Variants in TEAD1 observed in about 807,000 individuals in gnomAD.
TEAD1 encodes the protein TEA domain transcription factor 1, also known as transcriptional enhancer factor TEF-1.
In TEAD1, 9 loss-of-function variants were observed where a neutral mutation model predicts 54.9. That is an observed-to-expected ratio of 0.16 (90% CI 0.10 to 0.29). The LOEUF (loss-of-function observed/expected upper bound fraction) is 0.29. TEAD1 is among the 10% of genes least tolerant of loss of function. The pLI is 1.00. For synonymous variants in TEAD1, 200 were observed against 187.8 expected, an observed-to-expected ratio of 1.07 and a Z score of -0.53; for missense variants, 387 against 535.9, an observed-to-expected ratio of 0.72 and a Z score of 2.74.
At chr11:12,914,413 G>A (rs963807960) in intron 10 of TEAD1, among the ~76,000 whole-genome samples, 2 of 152,158 alleles carry the variant, frequency 1.3e-5, no homozygotes, top group Admixed American at 1.3e-4. Flanking sequence ...AAACAGCTGT[G>A]GCAGGCAGGC....
At chr11:12,918,637 A>T (rs547133808) in intron 10 of TEAD1, among the ~76,000 whole-genome samples, 1 of 152,202 alleles carries the variant, frequency 6.6e-6, no homozygotes, top group African/African-American at 2.4e-5. Flanking sequence ...GAGTAATTAC[A>T]CTCCTAGGAA....
At chr11:12,703,379 T>C (rs913937512) in intron 2 of TEAD1, among the ~76,000 whole-genome samples, 1 of 152,182 alleles carries the variant, frequency 6.6e-6, no homozygotes. Flanking sequence ...GGAGATATTA[T>C]CATAACACTG....
At chr11:12,868,122 A>C (rs187995107) in intron 5 of TEAD1, among the ~76,000 whole-genome samples, 1 of 152,328 alleles carries the variant, frequency 6.6e-6, no homozygotes, top group Non-Finnish European at 1.5e-5. Flanking sequence ...GGCCACTGCC[A>C]GATGTGTCTT....
intron 10 of TEAD1, among the ~76,000 whole-genome samples, chr11:12,908,462 C>T (rs1227139860): frequency 9.9e-5 from 15 of 152,200 alleles, no homozygotes; most frequent in Admixed American, 8.5e-4. Flanking sequence ...CCCTTGATGG[C>T]CTGCCATGCT....
At position 12,879,805 on chromosome 11, in the gene TEAD1, C is replaced by G. The variant is rs1448755837; in HGVS notation, c.428C>G (p.Pro143Arg). The G allele has an allele frequency of 3.1e-6, 5 of 1,613,960 alleles. No homozygotes were observed. In the Admixed American group the frequency reaches 8.3e-5, roughly 27 times the overall value. ...GCCATTCATAACAAGCTGGGGCTGC[C>G]TGGGATTCCACGCCCGACCTTCCCA... Residue 143 changes from proline (P) to arginine (R), a missense_variant, in exon 6 of 13, where the codon CCT becomes CGT. By Grantham distance (103) the Pro-to-Arg change is moderately radical (BLOSUM62 -2). This residue lies in a region of TEAD1 where 180 missense variants were observed against 180.6 expected (regional missense o/e 1.00). Transcript: ENST00000527636.
chr11:12,726,044 G>A (rs1434507546), intron 2 of TEAD1, among the ~76,000 whole-genome samples: 1 of 152,168 alleles, frequency 6.6e-6, no homozygotes, highest in Non-Finnish European at 1.5e-5. Context: ...GGGAGATAAG[G>A]CTTAGGCTGT....
chr11:12,777,974 A>T (rs58810846), intron 3 of TEAD1, among the ~76,000 whole-genome samples: 6,424 of 152,294 alleles, frequency 0.042, 489 homozygotes, highest in African/African-American at 0.15. Context: ...TGACAGTCAA[A>T]ATAATAATAA....
chr11:12,805,931 C>T (rs1395660066), intron 3 of TEAD1, among the ~76,000 whole-genome samples: 2 of 151,720 alleles, frequency 1.3e-5, no homozygotes, highest in East Asian at 3.8e-4. Flanking sequence ...TTTTTAATAC[C>T]TGAATTGACA....
At chr11:12,838,897 A>G (rs532246077) in intron 3 of TEAD1, among the ~76,000 whole-genome samples, 1 of 152,192 alleles carries the variant, frequency 6.6e-6, no homozygotes, top group Non-Finnish European at 1.5e-5. Flanking sequence ...GGAAGCTTGG[A>G]TGAGAAACCA....
chr11:12,687,185 C>T (rs568521723), intron 2 of TEAD1, among the ~76,000 whole-genome samples: 60 of 152,220 alleles, frequency 3.9e-4, no homozygotes, highest in Non-Finnish European at 7.6e-4. Context: ...TCTTGCCCCT[C>T]TAGCTGTTTT....
intron 3 of TEAD1, among the ~76,000 whole-genome samples, chr11:12,804,951 A>G (rs1232523306): frequency 2.6e-5 from 4 of 152,234 alleles, no homozygotes; most frequent in African/African-American, 9.6e-5. Context: ...AAGACTCTGC[A>G]GAGACATGGG....
chr11:12,930,021 G>GT (rs575610991), intron 11 of TEAD1, among the ~76,000 whole-genome samples, 153 bp from the exon 12 acceptor site: 64 of 151,708 alleles, frequency 4.2e-4, no homozygotes, highest in South Asian at 2.1e-3. Context: ...TTTGGAGATA[G>GT]TTTTTTTTTA....
chr11:12,678,506 T>TA (rs1176328884), intron 2 of TEAD1, among the ~76,000 whole-genome samples: 3 of 152,246 alleles, frequency 2.0e-5, no homozygotes, highest in Admixed American at 6.5e-5. Context: ...ACATCAGTGA[T>TA]ACATTTTATT....
chr11:12,931,853 AAGGCCT>A (rs1374398007), intron 12 of TEAD1, among the ~76,000 whole-genome samples: 4 of 152,218 alleles, frequency 2.6e-5, no homozygotes, highest in Non-Finnish European at 5.9e-5. Context: ...TAAAACATCT[AAGGCCT>A]AGGCCCCACC....
intron 3 of TEAD1, among the ~76,000 whole-genome samples, chr11:12,804,424 G>A (rs1024754939): frequency 6.6e-6 from 1 of 152,172 alleles, no homozygotes; most frequent in Non-Finnish European, 1.5e-5. Context: ...TTTATACAAT[G>A]CATAAATGAG....
At chr11:12,927,583 C>T (rs1002944855) in intron 11 of TEAD1, among the ~76,000 whole-genome samples, 8 of 152,110 alleles carry the variant, frequency 5.3e-5, no homozygotes, top group African/African-American at 1.7e-4. Flanking sequence ...AAACAAAAAC[C>T]TTGTTTGAGC....
intron 9 of TEAD1, among the ~76,000 whole-genome samples, chr11:12,895,099 A>G (rs984901279): frequency 1.3e-5 from 2 of 151,884 alleles, no homozygotes; most frequent in Admixed American, 1.3e-4. Flanking sequence ...GGTGTTCATC[A>G]CTCCTCACTG....
At chr11:12,807,187 GTTTA>G (rs1371550740) in intron 3 of TEAD1, among the ~76,000 whole-genome samples, 1 of 152,204 alleles carries the variant, frequency 6.6e-6, no homozygotes, top group Non-Finnish European at 1.5e-5. Context: ...GCATAGTTGA[GTTTA>G]TCAGAGTATA....
chr11:12,692,227 C>T (rs938226361), intron 2 of TEAD1, among the ~76,000 whole-genome samples: 2 of 152,096 alleles, frequency 1.3e-5, no homozygotes, highest in East Asian at 1.9e-4. Flanking sequence ...AGGCCAACCA[C>T]CCCCCAGTCC....
Sources: gnomAD v4.1 joint callset for allele counts (sites outside exome capture counted in the v4.1 genomes callset) on GRCh38, gnomAD v4.1.1 for gene constraint, gnomAD v4.1.1 regional missense constraint, MANE v1.5 for transcripts, NCBI Gene and HGNC (gene_info 2026-07-23, HGNC 2026-07-21) for gene names.